Variants in TMC1 observed in about 807,000 individuals in gnomAD.
TMC1 encodes transmembrane channel like 1.
In TMC1, 84 loss-of-function variants were observed where a neutral mutation model predicts 105.8. That is an observed-to-expected ratio of 0.79 (90% CI 0.67 to 0.95). The LOEUF is 0.95. Ranked by LOEUF, TMC1 falls within the 40% of genes least tolerant of loss-of-function variation. The pLI, the probability that TMC1 is intolerant of heterozygous loss-of-function variation, is 0.00. For missense variants in TMC1, 817 were observed against 914.1 expected (o/e 0.89, Z 1.37); for synonymous variants, 315 against 311.5 (o/e 1.01, Z -0.12).
At chr9:72,630,473 A>T (rs1825430453) in intron 4 of TMC1, among the ~76,000 whole-genome samples, 2 of 152,226 alleles carry the variant, frequency 1.3e-5, no homozygotes, top group Non-Finnish European at 2.9e-5. Context: ...ACTTTATAAT[A>T]GGAAAGTTAT....
intron 5 of TMC1, among the ~76,000 whole-genome samples, chr9:72,657,329 C>T (rs1825900513): frequency 6.6e-6 from 1 of 152,184 alleles, no homozygotes; most frequent in South Asian, 2.1e-4. Flanking sequence ...CTGTAATTGC[C>T]TATTGAACAA....
At chr9:72,569,914 G>A (rs1184131258) in intron 1 of TMC1, among the ~76,000 whole-genome samples, 1 of 152,132 alleles carries the variant, frequency 6.6e-6, no homozygotes, top group African/African-American at 2.4e-5. Context: ...AAGAAGAACC[G>A]ATCTGTAAGA....
intron 17 of TMC1, among the ~76,000 whole-genome samples, chr9:72,803,663 A>G (rs1588091108): frequency 6.6e-6 from 1 of 152,236 alleles, no homozygotes; most frequent in Non-Finnish European, 1.5e-5. Context: ...AGAGAAATGC[A>G]AATCAAAACC....
At chr9:72,632,942 A>T (rs1329151824) in intron 4 of TMC1, among the ~76,000 whole-genome samples, 2 of 152,074 alleles carry the variant, frequency 1.3e-5, no homozygotes, top group Admixed American at 6.6e-5. Flanking sequence ...GTTCTCTTTC[A>T]TTGGTAAAGG....
At chr9:72,789,377 A>T in intron 15 of TMC1, 60 bp downstream of exon 15, 2 of 1,556,400 alleles carry the variant, frequency 1.3e-6, no homozygotes, top group East Asian at 4.5e-5. Flanking sequence ...TTTGTGGGTT[A>T]TGTTTCTTTG....
chr9:72,532,279 G>A (rs1022284741), intron 1 of TMC1, among the ~76,000 whole-genome samples: 16 of 152,028 alleles, frequency 1.1e-4, no homozygotes, highest in Admixed American at 4.6e-4. Flanking sequence ...GGCAGCTCAC[G>A]CCTGTAATCC....
intron 8 of TMC1, among the ~76,000 whole-genome samples, chr9:72,734,652 AT>A (rs1827269939): frequency 6.6e-6 from 1 of 152,122 alleles, no homozygotes; most frequent in South Asian, 2.1e-4. Flanking sequence ...TCTCTGGACT[AT>A]TGGTTAAATT....
chr9:72,551,765 A>G (rs973845164), intron 1 of TMC1, among the ~76,000 whole-genome samples: 2 of 152,216 alleles, frequency 1.3e-5, no homozygotes, highest in African/African-American at 2.4e-5. Flanking sequence ...AAATGAGGTC[A>G]TACCGGACTA....
At chr9:72,799,584 T>A (rs550838173) in intron 17 of TMC1, among the ~76,000 whole-genome samples, 1 of 152,232 alleles carries the variant, frequency 6.6e-6, no homozygotes, top group South Asian at 2.1e-4. Flanking sequence ...GGGAACCAGA[T>A]AAATCCCCCC....
chr9:72,595,066 A>T (rs1019092694), intron 2 of TMC1, among the ~76,000 whole-genome samples: 6 of 151,886 alleles, frequency 4.0e-5, no homozygotes, highest in Non-Finnish European at 5.9e-5. Context: ...GGGTTTCTTT[A>T]TGTTGACCAG....
chr9:72,657,268 A>G (rs1825899472), intron 5 of TMC1, among the ~76,000 whole-genome samples: 1 of 152,216 alleles, frequency 6.6e-6, no homozygotes, highest in South Asian at 2.1e-4. Context: ...CCTCAGGCAA[A>G]AAGATCAGGC....
intron 13 of TMC1, among the ~76,000 whole-genome samples, chr9:72,775,802 C>T (rs1827996489): frequency 6.6e-6 from 1 of 152,094 alleles, no homozygotes; most frequent in Admixed American, 6.5e-5. Context: ...TGTTTCCACT[C>T]CTGGTGGAAG....
intron 4 of TMC1, among the ~76,000 whole-genome samples, chr9:72,646,520 G>A (rs927222422): frequency 1.3e-5 from 2 of 152,058 alleles, no homozygotes; most frequent in African/African-American, 4.8e-5. Flanking sequence ...AGAAGACATT[G>A]GACTTTTCTT....
intron 2 of TMC1, among the ~76,000 whole-genome samples, chr9:72,606,874 C>T (rs1824923084): frequency 6.6e-6 from 1 of 151,960 alleles, no homozygotes; most frequent in Non-Finnish European, 1.5e-5. Flanking sequence ...CCCTAGTTTT[C>T]TCATATGTCA....
chr9:72,546,313 T>C (rs1478204496), intron 1 of TMC1, among the ~76,000 whole-genome samples: 1 of 151,928 alleles, frequency 6.6e-6, no homozygotes, highest in Non-Finnish European at 1.5e-5. Flanking sequence ...ATAAATAAAT[T>C]GATGTTACAT....
At chr9:72,526,462 C>T (rs1231143442) in intron 1 of TMC1, among the ~76,000 whole-genome samples, 1 of 152,052 alleles carries the variant, frequency 6.6e-6, no homozygotes, top group Non-Finnish European at 1.5e-5. Context: ...CCTGGTTCTC[C>T]AAAACTTCAT....
intron 5 of TMC1, among the ~76,000 whole-genome samples, chr9:72,678,589 A>C (rs1314466533): frequency 2.0e-5 from 3 of 152,034 alleles, no homozygotes; most frequent in Admixed American, 2.0e-4. Context: ...AGTACTTGGC[A>C]CAAAGAAGGA....
chr9:72,706,289 A>G (rs1299080153), intron 8 of TMC1, among the ~76,000 whole-genome samples: 1 of 152,188 alleles, frequency 6.6e-6, no homozygotes, highest in African/African-American at 2.4e-5. Context: ...CTCATCTGTC[A>G]TTGTGAAGGA....
At chr9:72,573,817 G>A (rs564393572) in intron 1 of TMC1, among the ~76,000 whole-genome samples, 2 of 152,048 alleles carry the variant, frequency 1.3e-5, no homozygotes, top group South Asian at 4.2e-4. Flanking sequence ...TAGGTTAGGG[G>A]GTACATGTGA....
Sources: allele counts gnomAD v4.1 joint callset (sites outside exome capture counted in the v4.1 genomes callset), GRCh38; gene constraint gnomAD v4.1.1; transcripts MANE v1.5; gene names NCBI Gene and HGNC (gene_info 2026-07-23, HGNC 2026-07-21).